Variants in C4orf51 observed in about 807,000 individuals in gnomAD.
C4orf51 encodes uncharacterized protein C4orf51.
A neutral mutation model predicts 25.2 loss-of-function variants in C4orf51; 25 were observed. The ratio of observed to expected loss-of-function variants is 0.99; its 90% CI spans 0.72 to 1.39. The LOEUF is 1.39. Ranked by LOEUF, C4orf51 falls within the 40% of genes most tolerant of loss-of-function variation. The pLI, the probability that C4orf51 is intolerant of heterozygous loss-of-function variation, is 0.00. For missense variants in C4orf51, 252 were observed against 239.6 expected, an observed-to-expected ratio of 1.05 and a Z score of -0.34; for synonymous variants, 100 against 84.5, an observed-to-expected ratio of 1.18 and a Z score of -1.01.
rs1275317103 is a variant in C4orf51, at chr4:145,680,309, G to C, written c.106G>C (p.Asp36His). The stretch of plus-strand genomic sequence containing the variant: ...ACGCAAGGCTGGAGCATCTTGGCAG[G>C]ATGAAACACGATGGTCAGATTCTTC... ...IRRKAGASWQ[D>H]ETRWSDSSVT... The change falls in exon 1 of 6, where the codon GAT (aspartate) becomes CAT (histidine). Residue 36 changes from aspartate to histidine, a missense_variant. By Grantham distance (81) the Asp-to-His change is moderately conservative (BLOSUM62 -1). Transcript: ENST00000438731. 2 of 1,613,846 alleles carry C rather than the reference G, an allele frequency of 1.2e-6. No homozygotes were observed. The highest frequency in any genetic ancestry group is 2.7e-5 in the African/African-American group (2 of 74,920).
downstream of C4orf51, among the ~76,000 whole-genome samples, chr4:145,775,228 A>G (rs1003137751): frequency 2.7e-4 from 41 of 152,172 alleles, 1 homozygote; most frequent in African/African-American, 9.4e-4. Context: ...GTTTCCACCA[A>G]TCAGTATGGC....
chr4:145,791,699 C>T, the C4orf51 span, among the ~76,000 whole-genome samples: 10 of 152,194 alleles, frequency 6.6e-5, no homozygotes, highest in South Asian at 2.1e-4. Flanking sequence ...ATTATACATA[C>T]GAATAGCTAA....
chr4:145,715,487 T>C (rs1454172216), intron 2 of C4orf51, among the ~76,000 whole-genome samples: 3 of 152,116 alleles, frequency 2.0e-5, no homozygotes, highest in Non-Finnish European at 2.9e-5. Context: ...TGGCACTGAG[T>C]TGTGCTACCT....
downstream of C4orf51, among the ~76,000 whole-genome samples, chr4:145,733,122 C>G (rs1411176081): frequency 6.6e-6 from 1 of 152,068 alleles, no homozygotes; most frequent in Non-Finnish European, 1.5e-5. Flanking sequence ...GGTAGGCTGC[C>G]TGCGCCCCCA....
At chr4:145,709,757 G>T (rs1731033303) in intron 2 of C4orf51, among the ~76,000 whole-genome samples, 1 of 152,196 alleles carries the variant, frequency 6.6e-6, no homozygotes, top group African/African-American at 2.4e-5. Context: ...TTAGGCTTTA[G>T]TCCCACCATT....
chr4:145,777,162 T>C, the C4orf51 span, among the ~76,000 whole-genome samples: 4 of 152,344 alleles, frequency 2.6e-5, no homozygotes, highest in Admixed American at 2.6e-4. Flanking sequence ...CCCCAACATC[T>C]TGAAGGGCTG....
intron 5 of C4orf51, among the ~76,000 whole-genome samples, chr4:145,731,271 T>G (rs1732441312): frequency 6.6e-6 from 1 of 152,220 alleles, no homozygotes; most frequent in African/African-American, 2.4e-5. Context: ...CCAGTCAGTG[T>G]CTGCAGCTGT....
chr4:145,701,460 C>G (rs1412829408), intron 2 of C4orf51, among the ~76,000 whole-genome samples: 2 of 152,036 alleles, frequency 1.3e-5, no homozygotes, highest in African/African-American at 4.8e-5. Context: ...GGGGACCCCA[C>G]TGGAAATTGG....
the C4orf51 span, among the ~76,000 whole-genome samples, chr4:145,785,468 T>C: frequency 6.6e-6 from 1 of 152,130 alleles, no homozygotes; most frequent in Non-Finnish European, 1.5e-5. Flanking sequence ...TATCTTCAGA[T>C]CCAATTTGTT....
At chr4:145,726,808 A>G (rs756639502) in intron 2 of C4orf51, 103 bp from the exon 3 acceptor site, 18 of 928,512 alleles carry the variant, frequency 1.9e-5, no homozygotes, top group Non-Finnish European at 3.1e-5. Flanking sequence ...AAGGGAAGCA[A>G]TTGAAGTGTG....
intron 2 of C4orf51, among the ~76,000 whole-genome samples, chr4:145,719,874 G>C (rs1324691263): frequency 6.6e-6 from 1 of 152,218 alleles, no homozygotes; most frequent in Non-Finnish European, 1.5e-5. Context: ...GATTTGCGGG[G>C]AGAAGAAAAG....
chr4:145,713,468 G>A (rs1731238691), intron 2 of C4orf51, among the ~76,000 whole-genome samples: 1 of 152,222 alleles, frequency 6.6e-6, no homozygotes, highest in Non-Finnish European at 1.5e-5. Flanking sequence ...TGTGGAGTAA[G>A]TATGTGTAAG....
chr4:145,775,287 C>T (rs1736885263), downstream of C4orf51, among the ~76,000 whole-genome samples: 1 of 152,126 alleles, frequency 6.6e-6, no homozygotes, highest in Non-Finnish European at 1.5e-5. Context: ...GGTTTTATGG[C>T]AATCAAACCA....
At chr4:145,750,723 A>G (rs1214426341) in intron 1 of C4orf51, among the ~76,000 whole-genome samples, 1 of 152,086 alleles carries the variant, frequency 6.6e-6, no homozygotes, top group African/African-American at 2.4e-5. Flanking sequence ...CCTTTGAATA[A>G]ACTTTCTACC....
At chr4:145,716,077 A>G (rs1212631465) in intron 2 of C4orf51, among the ~76,000 whole-genome samples, 3 of 152,214 alleles carry the variant, frequency 2.0e-5, no homozygotes, top group Non-Finnish European at 4.4e-5. Flanking sequence ...ATTGTTATAG[A>G]TAACCCCCCC....
intron 3 of C4orf51, among the ~76,000 whole-genome samples, chr4:145,728,337 C>A (rs1732229251): frequency 6.6e-6 from 1 of 151,958 alleles, no homozygotes; most frequent in African/African-American, 2.4e-5. Flanking sequence ...TTGATGTTTT[C>A]CAACTTGACA....
intron 2 of C4orf51, among the ~76,000 whole-genome samples, chr4:145,707,874 T>A (rs532528013): frequency 6.6e-6 from 1 of 152,348 alleles, no homozygotes; most frequent in South Asian, 2.1e-4. Flanking sequence ...TTTGTCCTGT[T>A]GATGACAGTG....
intron 2 of C4orf51, among the ~76,000 whole-genome samples, chr4:145,704,744 C>T (rs1475774286): frequency 6.6e-6 from 1 of 152,150 alleles, no homozygotes; most frequent in Non-Finnish European, 1.5e-5. Context: ...CTGCAGCAAT[C>T]GCAACTCTTG....
chr4:145,717,352 A>G (rs1731478080), intron 2 of C4orf51, among the ~76,000 whole-genome samples: 1 of 152,226 alleles, frequency 6.6e-6, no homozygotes, highest in African/African-American at 2.4e-5. Context: ...TTATCAATTT[A>G]CCCATATTGC....
Sources: allele counts gnomAD v4.1 joint callset (sites outside exome capture counted in the v4.1 genomes callset), GRCh38; gene constraint gnomAD v4.1.1; transcripts MANE v1.5; gene names NCBI Gene and HGNC (gene_info 2026-07-23, HGNC 2026-07-21).